The following DAAM1 variants were observed in gnomAD, a reference collection of about 807,000 sequenced individuals.
The protein encoded by DAAM1 is disheveled-associated activator of morphogenesis 1.
Under a neutral mutation model 130.0 loss-of-function variants are expected in DAAM1, and 52 were observed. The observed-to-expected ratio is 0.40, with a 90% CI of 0.32 to 0.50. The LOEUF is 0.50. DAAM1 is among the 20% of genes least tolerant of loss of function. The pLI is 0.61. For missense variants in DAAM1, 1,134 were observed against 1,303.8 expected (o/e 0.87, Z 2.01); for synonymous variants, 452 against 444.5 (o/e 1.02, Z -0.21).
chr14:59,287,269 C>CA (rs951147766), intron 2 of DAAM1, among the ~76,000 whole-genome samples: 3 of 152,050 alleles, frequency 2.0e-5, no homozygotes, highest in African/African-American at 7.2e-5. Flanking sequence ...AATTAGGCAT[C>CA]AAAGGAACAT....
At chr14:59,266,700 A>C (rs571212718) in intron 2 of DAAM1, among the ~76,000 whole-genome samples, 16 of 152,336 alleles carry the variant, frequency 1.1e-4, no homozygotes, top group African/African-American at 3.8e-4. Flanking sequence ...GGCCTGGCCA[A>C]GAGAGGTAGG....
At chr14:59,269,769 A>T (rs1024237630) in intron 2 of DAAM1, among the ~76,000 whole-genome samples, 3 of 152,174 alleles carry the variant, frequency 2.0e-5, no homozygotes, top group African/African-American at 4.8e-5. Flanking sequence ...ATCCAGGCAC[A>T]AAGGAAAGAA....
intron 16 of DAAM1, 98 bp downstream of exon 16, chr14:59,340,278 C>A: frequency 9.0e-7 from 1 of 1,108,406 alleles, no homozygotes; most frequent in Non-Finnish European, 1.3e-6. Flanking sequence ...TTGTACTCTG[C>A]TGAGGTACAG....
intron 2 of DAAM1, 148 bp downstream of exon 2, chr14:59,263,808 C>T: frequency 1.1e-6 from 1 of 923,018 alleles, no homozygotes; most frequent in Non-Finnish European, 1.7e-6. Context: ...CCCTCACTGT[C>T]AGCACTAAAC....
chr14:59,286,824 CTAGATA>C (rs1883479740), intron 2 of DAAM1, among the ~76,000 whole-genome samples: 1 of 152,082 alleles, frequency 6.6e-6, no homozygotes, highest in Admixed American at 6.6e-5. Context: ...AAGCCCTGGA[CTAGATA>C]GATTCACAGC....
chr14:59,318,747 G>T (rs536304862), intron 4 of DAAM1, among the ~76,000 whole-genome samples: 14 of 152,158 alleles, frequency 9.2e-5, no homozygotes, highest in South Asian at 2.1e-4. Flanking sequence ...GTTTTGAAAG[G>T]TTATGTTCCT....
At position 59,369,097 on chromosome 14, in the gene DAAM1, C is replaced by T. The variant is rs1314645250; in HGVS notation, c.*238C>T. The T allele has an allele frequency of 4.6e-6, 2 of 438,802 alleles. No individual in the cohort carries two copies. The highest frequency in any genetic ancestry group is 8.1e-6 in the Non-Finnish European group (2 of 246,118). 27.2% of individuals were successfully genotyped at this position (438,802 alleles called of 1,614,324 possible). A position where few individuals can be genotyped will look rare whatever the true frequency, so the allele number is the denominator to read the frequency against. ...AAAAAGATTTATGTTAATGTATGTG[C>T]TCCAAAACCTTTCGTGTATGCATTC... On this transcript the variant is annotated 3_prime_UTR_variant, in exon 25 of 25. Transcript: ENST00000360909.
intron 19 of DAAM1, among the ~76,000 whole-genome samples, 165 bp downstream of exon 19, chr14:59,354,129 T>C (rs949382914): frequency 9.9e-5 from 15 of 151,732 alleles, no homozygotes; most frequent in Non-Finnish European, 1.9e-4. Context: ...AGCGCGATCT[T>C]GGCTCAGTGC....
intron 1 of DAAM1, among the ~76,000 whole-genome samples, chr14:59,230,679 C>T (rs748341038): frequency 2.1e-5 from 3 of 139,752 alleles, no homozygotes; most frequent in Non-Finnish European, 4.6e-5. Context: ...TATTTGACAG[C>T]ATAACAGGGT....
At chr14:59,251,545 C>A (rs1881643640) in intron 1 of DAAM1, among the ~76,000 whole-genome samples, 2 of 151,272 alleles carry the variant, frequency 1.3e-5, no homozygotes, top group African/African-American at 4.9e-5. Flanking sequence ...TGAGTCAAGG[C>A]GTTATTTCTC....
intron 16 of DAAM1, among the ~76,000 whole-genome samples, chr14:59,342,922 G>A (rs1566714310): frequency 6.6e-6 from 1 of 152,162 alleles, no homozygotes; most frequent in Admixed American, 6.5e-5. Flanking sequence ...TTAGTAGAGA[G>A]CCCTGCAATC....
intron 16 of DAAM1, among the ~76,000 whole-genome samples, chr14:59,344,496 T>C (rs1423807725): frequency 6.6e-6 from 1 of 152,238 alleles, no homozygotes; most frequent in African/African-American, 2.4e-5. Flanking sequence ...AGACTGATTC[T>C]GTGGATGACA....
At chr14:59,368,628 G>C (rs1321331858) in intron 24 of DAAM1, 22 bp from the exon 25 acceptor site, 1 of 1,604,344 alleles carries the variant, frequency 6.2e-7, no homozygotes, top group African/African-American at 1.3e-5. Context: ...GTCTCAAAGA[G>C]GTTATTTCTT....
chr14:59,351,753 T>TA (rs376635419), intron 17 of DAAM1, among the ~76,000 whole-genome samples: 1,775 of 143,614 alleles, frequency 0.012, 11 homozygotes, highest in Middle Eastern at 0.032. Flanking sequence ...GTCAATGTTT[T>TA]AAAAAAAAAA....
At chr14:59,283,777 G>A (rs1883322492) in intron 2 of DAAM1, among the ~76,000 whole-genome samples, 1 of 152,152 alleles carries the variant, frequency 6.6e-6, no homozygotes, top group Non-Finnish European at 1.5e-5. Flanking sequence ...GGAGGTGTGG[G>A]TGTTAACAAG....
At position 59,309,689 on chromosome 14, in the gene DAAM1, T is replaced by C. The variant is rs79110309; in HGVS notation, c.274-5591T>C. 1.4e-4 allele frequency among the ~76,000 whole-genome samples: 22 copies of C among 152,350 alleles called. No individual in the cohort carries two copies. The East Asian group carries it at 4.2e-3, about 29-fold the overall frequency. ...TCTACAAAGCCTAAAATATTTCCTGTCTGGCTCCTTACAGGAAAAGTTTGC... is the reference window on the plus strand; with the variant it reads ...TCTACAAAGCCTAAAATATTTCCTGCCTGGCTCCTTACAGGAAAAGTTTGC... On this transcript the variant is annotated intron_variant, in intron 3 of 24. Transcript: ENST00000360909.
At position 59,369,689 on chromosome 14, in the gene DAAM1, TAAAA is replaced by T. The variant is rs1887073308; in HGVS notation, c.*832_*835del. On this transcript the variant is annotated 3_prime_UTR_variant, in exon 25 of 25. Transcript: ENST00000360909. ...TCTAACAATATAGATATATAAACCT[TAAAA>T]ATAATAAAATATCTCACCCAAGACT... The T allele has an allele frequency of 5.5e-5, 7 of 127,896 alleles. No homozygotes were observed. The highest frequency in any genetic ancestry group is 1.6e-5 in the Non-Finnish European group (1 of 62,050). The allele number at this position is 127,896 out of a possible 1,614,324, so 7.9% of individuals were successfully genotyped here.
rs571796266 is a variant in DAAM1, at chr14:59,358,439, C to T, written c.2526-958C>T. Among the ~76,000 whole-genome samples, 40 of 152,308 alleles carry T rather than the reference C, an allele frequency of 2.6e-4. 1 individual carries two copies. In the South Asian group the frequency reaches 8.3e-3, roughly 32 times the overall value. On this transcript the variant is annotated intron_variant, in intron 20 of 24. Transcript: ENST00000360909. ...GTGTTGCTAAATTAGGAAGTGGATT[C>T]AGGGCTGCTAGGATATCACATGGTG... is the stretch of plus-strand genomic sequence containing the variant.
intron 1 of DAAM1, among the ~76,000 whole-genome samples, chr14:59,234,441 G>A (rs1210146138): frequency 2.0e-5 from 3 of 152,108 alleles, no homozygotes; most frequent in East Asian, 1.9e-4. Context: ...GTCTATTGGT[G>A]TATAGGAATG....
Sources: allele counts gnomAD v4.1 joint callset (sites outside exome capture counted in the v4.1 genomes callset), GRCh38; gene constraint gnomAD v4.1.1; transcripts MANE v1.5; gene names NCBI Gene and HGNC (gene_info 2026-07-23, HGNC 2026-07-21).